The following ADCY8 variants were observed in gnomAD, a reference collection of about 807,000 sequenced individuals.
The protein encoded by ADCY8 is adenylate cyclase type 8.
ADCY8 carries 51 observed loss-of-function variants against 119.7 expected under a neutral mutation model. That is an observed-to-expected ratio of 0.43 (90% CI 0.34 to 0.54). ADCY8 has a LOEUF of 0.54. Ranked by LOEUF, ADCY8 falls within the 20% of genes least tolerant of loss-of-function variation. The probability of loss-of-function intolerance (pLI) is 0.03; values close to 1 mark genes in which losing one functional copy is unlikely to be tolerated. For missense variants in ADCY8, 1,383 were observed against 1,598.8 expected (o/e 0.87, Z 2.30); for synonymous variants, 665 against 651.0 (o/e 1.02, Z -0.33).
At chr8:130,952,306 T>C (rs1378965978) in intron 2 of ADCY8, among the ~76,000 whole-genome samples, 1 of 152,184 alleles carries the variant, frequency 6.6e-6, no homozygotes, top group Non-Finnish European at 1.5e-5. Flanking sequence ...CAAAATGTGA[T>C]GAATGCCATG....
rs562147512 is a variant in ADCY8 at position 130,955,327 on chromosome 8, G to A, written c.1111-3329C>T. Among the ~76,000 whole-genome samples the A allele has an allele frequency of 5.3e-5, 8 of 152,174 alleles. No homozygotes were observed. The East Asian group carries it at 1.2e-3, about 22-fold the overall frequency. ...TGAACAACTGAGAAAATGAAGTCTC[G>A]GAGAAGTAGTTTCTCAAGGTTATAC... On this transcript the variant is annotated intron_variant, in intron 2 of 17. Coordinates refer to ENST00000286355, the MANE Select transcript of ADCY8 (RefSeq NM_001115.3).
chr8:130,922,207 TC>T (rs376337114), intron 5 of ADCY8, among the ~76,000 whole-genome samples: 2 of 149,748 alleles, frequency 1.3e-5, no homozygotes, highest in Admixed American at 6.6e-5. Context: ...AAATTCCCTT[TC>T]TTTTTTTTTT....
chr8:130,780,779 T>C lies in ADCY8; in HGVS notation c.3367A>G (p.Ser1123Gly), dbSNP rs770039381. Reference protein sequence around the residue: ...KTVNLASRMDSTGVSGRIQVP... With the variant: ...KTVNLASRMDGTGVSGRIQVP... ...TGGATCCGGCCACTAACCCCCGTGC[T>C]GTCCATTCGGCTTGCCAGGTTCACA... is the stretch of plus-strand genomic sequence containing the variant. The change falls in exon 18 of 18, where the codon AGC becomes GGC. Residue 1123 changes from serine to glycine, a missense_variant. Ser to Gly is a moderately conservative substitution (Grantham distance 56). This residue lies in a region of ADCY8 where 928 missense variants were observed against 1,163.5 expected (regional missense o/e 0.80). Transcript: ENST00000286355. The C allele has an allele frequency of 1.2e-6, 2 of 1,614,234 alleles. 1 individual carries two copies. The highest frequency in any genetic ancestry group is 2.2e-5 in the South Asian group (2 of 91,082).
At chr8:130,865,482 A>G (rs1818083780) in intron 9 of ADCY8, among the ~76,000 whole-genome samples, 3 of 152,084 alleles carry the variant, frequency 2.0e-5, no homozygotes, top group Admixed American at 2.0e-4. Context: ...GTTTTGATAT[A>G]TTTTGTGAGC....
intron 5 of ADCY8, among the ~76,000 whole-genome samples, chr8:130,912,987 C>A: frequency 6.6e-6 from 1 of 152,146 alleles, no homozygotes; most frequent in Non-Finnish European, 1.5e-5. Flanking sequence ...TTGTGCTATC[C>A]ACAGCCATGC....
At chr8:130,800,323 G>A (rs1006067985) in intron 15 of ADCY8, 103 bp downstream of exon 15, 41 of 1,292,804 alleles carry the variant, frequency 3.2e-5, no homozygotes, top group Middle Eastern at 1.9e-4. Context: ...CTGGAATTCC[G>A]TTAAGTGCAA....
chr8:130,928,778 CTTTGG>C (rs1197804855), intron 5 of ADCY8, among the ~76,000 whole-genome samples: 4 of 152,100 alleles, frequency 2.6e-5, no homozygotes, highest in African/African-American at 9.7e-5. Context: ...CTTTGTCTGG[CTTTGG>C]TCTCTGGATG....
intron 1 of ADCY8, 89 bp from the exon 2 acceptor site, chr8:130,990,631 G>T: frequency 1.3e-6 from 2 of 1,512,070 alleles, no homozygotes; most frequent in South Asian, 1.2e-5. Context: ...AATTTCCAAG[G>T]TAAATCCTAA....
intron 2 of ADCY8, among the ~76,000 whole-genome samples, chr8:130,960,998 T>G (rs762798503): frequency 1.6e-4 from 24 of 152,316 alleles, no homozygotes; most frequent in Middle Eastern, 3.4e-3. Context: ...AAACCCCTTA[T>G]AATACCTACT....
chr8:130,833,090 G>A (rs1321333123), intron 12 of ADCY8, among the ~76,000 whole-genome samples: 2 of 152,162 alleles, frequency 1.3e-5, no homozygotes, highest in East Asian at 3.8e-4. Context: ...GCATGGCCAT[G>A]ATATATCCAT....
chr8:131,033,201 T>A (rs1824047819), intron 1 of ADCY8, among the ~76,000 whole-genome samples: 1 of 152,192 alleles, frequency 6.6e-6, no homozygotes, highest in African/African-American at 2.4e-5. Context: ...ACATGTAGAA[T>A]CAACTTAAAT....
At chr8:130,896,952 A>G (rs1819411588) in intron 7 of ADCY8, among the ~76,000 whole-genome samples, 1 of 152,088 alleles carries the variant, frequency 6.6e-6, no homozygotes, top group Non-Finnish European at 1.5e-5. Flanking sequence ...CAGAGCTGAA[A>G]GGAATTGTTG....
chr8:131,016,615 A>G (rs1586658642), intron 1 of ADCY8, among the ~76,000 whole-genome samples: 1 of 152,296 alleles, frequency 6.6e-6, no homozygotes, highest in East Asian at 1.9e-4. Flanking sequence ...AGGATAATTC[A>G]GGCAGAGGGA....
At chr8:131,007,955 T>C (rs893698227) in intron 1 of ADCY8, among the ~76,000 whole-genome samples, 19 of 152,202 alleles carry the variant, frequency 1.2e-4, no homozygotes, top group African/African-American at 3.9e-4. Flanking sequence ...TACTGTGTCA[T>C]AGGCATTGCT....
chr8:130,830,603 T>C (rs1816805762), intron 12 of ADCY8, among the ~76,000 whole-genome samples: 1 of 152,164 alleles, frequency 6.6e-6, no homozygotes, highest in Non-Finnish European at 1.5e-5. Context: ...TGTGTGTCCA[T>C]ATCCTAAATT....
chr8:130,891,355 TA>T (rs1228410830), intron 7 of ADCY8, among the ~76,000 whole-genome samples: 1 of 152,196 alleles, frequency 6.6e-6, no homozygotes, highest in African/African-American at 2.4e-5. Flanking sequence ...TACTGTTTGT[TA>T]AAATGCCAAC....
intron 2 of ADCY8, among the ~76,000 whole-genome samples, chr8:130,988,746 C>T (rs746787395): frequency 1.3e-5 from 2 of 152,130 alleles, no homozygotes; most frequent in Non-Finnish European, 2.9e-5. Context: ...GATTCCTCCA[C>T]AATTTTAGAT....
chr8:130,795,051 C>T (rs947789124), intron 15 of ADCY8, among the ~76,000 whole-genome samples: 22 of 152,100 alleles, frequency 1.4e-4, no homozygotes, highest in African/African-American at 4.8e-4. Context: ...TGGTGAAAAT[C>T]GCTGTCTCTA....
chr8:130,790,709 C>T (rs1017391300), intron 15 of ADCY8, among the ~76,000 whole-genome samples: 11 of 152,136 alleles, frequency 7.2e-5, no homozygotes, highest in Non-Finnish European at 1.2e-4. Context: ...GGTAGGGATT[C>T]ACTCCCTGGG....
Sources: gnomAD v4.1 joint callset for allele counts (sites outside exome capture counted in the v4.1 genomes callset) on GRCh38, gnomAD v4.1.1 for gene constraint, gnomAD v4.1.1 regional missense constraint, MANE v1.5 for transcripts, NCBI Gene and HGNC (gene_info 2026-07-23, HGNC 2026-07-21) for gene names.